Variants in FGF20 observed in about 807,000 individuals in gnomAD.
FGF20 encodes fibroblast growth factor 20.
Under a neutral mutation model 16.7 loss-of-function variants are expected in FGF20, and 8 were observed. The observed-to-expected ratio is 0.48, with a 90% CI of 0.28 to 0.87. The LOEUF (loss-of-function observed/expected upper bound fraction) is 0.87. Among genes scored for constraint, FGF20 ranks in the 40% least tolerant of loss-of-function variants. The probability of loss-of-function intolerance (pLI) is 0.10; values close to 1 mark genes in which losing one functional copy is unlikely to be tolerated. For missense variants in FGF20, 397 were observed against 281.4 expected (o/e 1.41, Z -2.94); for synonymous variants, 161 against 118.6 (o/e 1.36, Z -2.32).
chr8:16,992,912 T>A lies in FGF20; in HGVS notation c.*160A>T. 3 of 812,400 alleles carry A rather than the reference T, an allele frequency of 3.7e-6. No individual in the cohort carries two copies. Among genetic ancestry groups the A allele is most frequent in the Non-Finnish European group, 5.7e-6 (3 of 528,948 alleles). 50.3% of individuals were successfully genotyped at this position (812,400 alleles called of 1,614,324 possible). A position where few individuals can be genotyped will look rare whatever the true frequency, so the allele number is the denominator to read the frequency against. ...CATGATCTATTTCTAGTCAAAATTT[T>A]TTTTGGTTTTTTTTCTCAATATTCT... On this transcript the variant is annotated 3_prime_UTR_variant, in exon 3 of 3. Transcript: ENST00000180166.
At chr8:16,998,630 C>T (rs1015559320) in intron 1 of FGF20, among the ~76,000 whole-genome samples, 3 of 152,090 alleles carry the variant, frequency 2.0e-5, no homozygotes, top group Non-Finnish European at 4.4e-5. Flanking sequence ...ACCTTCAAAG[C>T]CAGTCTTTTT....
chr8:17,002,112 T>A lies in FGF20; in HGVS notation c.-80A>T, dbSNP rs1810204084. 2.9e-6 allele frequency: 4 copies of A among 1,402,978 alleles called. No homozygotes were observed. The highest frequency in any genetic ancestry group is 2.8e-6 in the Non-Finnish European group (3 of 1,073,922). 86.9% of individuals were successfully genotyped at this position (1,402,978 alleles called of 1,614,324 possible). ...TGGGATGGAGGTGGATAGAGAAAAA[T>A]TATAGCAAAACGAGCGCAAAAAGTT... On this transcript the variant is annotated 5_prime_UTR_variant, in exon 1 of 3. Coordinates refer to ENST00000180166, the MANE Select transcript of FGF20 (RefSeq NM_019851.3).
intron 2 of FGF20, among the ~76,000 whole-genome samples, chr8:16,993,945 A>G (rs1401216501): frequency 6.6e-6 from 1 of 152,088 alleles, no homozygotes. Flanking sequence ...GTAAATTCAG[A>G]TGAAGTTTCG....
Position 16,999,939 on chromosome 8 carries a change from G to A in FGF20, c.286+1808C>T, listed in dbSNP as rs532720778. Among the ~76,000 whole-genome samples, 4 of 152,218 alleles carry A rather than the reference G, an allele frequency of 2.6e-5. 1 individual carries two copies. Among genetic ancestry groups the A allele is most frequent in the African/African-American group, 9.6e-5 (4 of 41,522 alleles). ...TAACTTCTGCCTGCTCTCCCTATAA[G>A]TATTATCACATTTGTGTTTATTTCT... is the stretch of plus-strand genomic sequence containing the variant. On this transcript the variant is annotated intron_variant, in intron 1 of 2. Coordinates refer to ENST00000180166, the MANE Select transcript of FGF20 (RefSeq NM_019851.3).
At chr8:16,995,540 G>A (rs559799865) in intron 2 of FGF20, 115 bp downstream of exon 2, 74 of 456,568 alleles carry the variant, frequency 1.6e-4, no homozygotes, top group African/African-American at 4.8e-4. Flanking sequence ...CAATTTCTAC[G>A]TAAGTATGTT....
intron 1 of FGF20, among the ~76,000 whole-genome samples, chr8:16,999,739 C>T (rs569868423): frequency 1.4e-5 from 2 of 147,578 alleles, no homozygotes; most frequent in South Asian, 4.3e-4. Flanking sequence ...AGGGGTTTCA[C>T]TATCTTGGCC....
At chr8:17,000,444 A>C (rs1290549957) in intron 1 of FGF20, among the ~76,000 whole-genome samples, 1 of 149,294 alleles carries the variant, frequency 6.7e-6, no homozygotes, top group Non-Finnish European at 1.5e-5. Context: ...GGGAATAATT[A>C]TAAGAACAAG....
At chr8:16,996,859 A>G (rs560300884) in intron 1 of FGF20, among the ~76,000 whole-genome samples, 1 of 152,336 alleles carries the variant, frequency 6.6e-6, no homozygotes, top group East Asian at 1.9e-4. Flanking sequence ...TTAAACTTAC[A>G]TTCTTAGCCC....
intron 1 of FGF20, among the ~76,000 whole-genome samples, chr8:16,996,927 G>A (rs1424658524): frequency 2.6e-5 from 4 of 152,150 alleles, no homozygotes; most frequent in African/African-American, 9.7e-5. Context: ...GTAGTTTCAA[G>A]ACTTTTTGGA....
chr8:16,994,535 T>C (rs1180903203), intron 2 of FGF20, among the ~76,000 whole-genome samples: 1 of 152,008 alleles, frequency 6.6e-6, no homozygotes, highest in Non-Finnish European at 1.5e-5. Flanking sequence ...TTATTATACA[T>C]TGCATTGTCT....
rs779946155 is a variant in FGF20, at chr8:17,001,849, C to G, written c.184G>C (p.Gly62Arg). The change falls in exon 1 of 3, where the codon GGC (glycine) becomes CGC (arginine). Residue 62 changes from glycine (G) to arginine (R), a missense_variant. Physicochemically the swap from Gly to Arg is moderately radical, Grantham distance 125. Coordinates refer to ENST00000180166, the MANE Select transcript of FGF20 (RefSeq NM_019851.3). Reference protein sequence around the residue: ...PGAAQLAHLHGILRRRQLYCR... With the variant: ...PGAAQLAHLHRILRRRQLYCR... ...TAGAGCTGCCGGCGGCGCAGGATGC[C>G]GTGCAGGTGCGCCAGCTGCGCAGCC... 5.3e-6 allele frequency: 8 copies of G among 1,499,770 alleles called. No homozygotes were observed. Among genetic ancestry groups the G allele is most frequent in the East Asian group, 2.9e-5 (1 of 34,244 alleles). 92.9% of individuals were successfully genotyped at this position (1,499,770 alleles called of 1,614,324 possible).
chr8:16,995,564 C>T (rs1432176695), intron 2 of FGF20, 91 bp downstream of exon 2: 1 of 531,204 alleles, frequency 1.9e-6, no homozygotes, highest in Non-Finnish European at 3.1e-6. Context: ...TATACTTCTA[C>T]CAGACATTCT....
intron 1 of FGF20, 32 bp from the exon 2 acceptor site, chr8:16,995,790 T>C (rs201203579): frequency 3.2e-5 from 41 of 1,291,078 alleles, no homozygotes; most frequent in Non-Finnish European, 4.3e-5. Flanking sequence ...AAAAACACCA[T>C]GTTTTGTATT....
At chr8:16,996,324 G>C (rs909457956) in intron 1 of FGF20, among the ~76,000 whole-genome samples, 5 of 152,134 alleles carry the variant, frequency 3.3e-5, no homozygotes, top group African/African-American at 1.2e-4. Context: ...AATGTGAAAG[G>C]TGTGAAACCT....
intron 1 of FGF20, among the ~76,000 whole-genome samples, chr8:17,001,284 T>C (rs936660932): frequency 6.6e-6 from 1 of 152,152 alleles, no homozygotes; most frequent in African/African-American, 2.4e-5. Flanking sequence ...AGCCCGGCGC[T>C]TCCTGTTATT....
rs540311594 is a variant in FGF20 at position 17,002,314 on chromosome 8, G to A, written c.-282C>T. On this transcript the variant is annotated 5_prime_UTR_variant, in exon 1 of 3. Coordinates refer to ENST00000180166, the MANE Select transcript of FGF20 (RefSeq NM_019851.3). The stretch of plus-strand genomic sequence containing the variant: ...ACTAGGACTAGGGCTGTTGGCTGGG[G>A]CTCCAATTCCGCAAACTGATCAGAT... 4 of 368,942 alleles carry A rather than the reference G, an allele frequency of 1.1e-5. No homozygotes were observed. Among genetic ancestry groups the A allele is most frequent in the East Asian group, 5.1e-5 (1 of 19,576 alleles). The allele number at this position is 368,942 out of a possible 1,614,324, so 22.9% of individuals were successfully genotyped here.
In FGF20 at chr8:17,002,070, A is replaced by G. The variant is rs1402599675; in HGVS notation, c.-38T>C. On this transcript the variant is annotated 5_prime_UTR_variant, in exon 1 of 3. Transcript: ENST00000180166. ...CCGGAACACAAAAGACCCCCCCAGT[A>G]AAGAGTGTTGTGGGGGTGGGATGGA... 2.7e-6 allele frequency: 4 copies of G among 1,500,164 alleles called. No homozygotes were observed. The highest frequency in any genetic ancestry group is 3.5e-6 in the Non-Finnish European group (4 of 1,127,812). The allele number at this position is 1,500,164 out of a possible 1,614,324, so 92.9% of individuals were successfully genotyped here. A position where few individuals can be genotyped will look rare whatever the true frequency, so the allele number is the denominator to read the frequency against.
At chr8:16,993,550 C>A (rs1376663097) in intron 2 of FGF20, among the ~76,000 whole-genome samples, 2 of 96,766 alleles carry the variant, frequency 2.1e-5, no homozygotes, top group Non-Finnish European at 4.2e-5. Flanking sequence ...CACCACTGAC[C>A]AGTTTCATGG....
chr8:16,994,090 A>G (rs1392657626), intron 2 of FGF20, among the ~76,000 whole-genome samples: 1 of 151,944 alleles, frequency 6.6e-6, no homozygotes, highest in Non-Finnish European at 1.5e-5. Flanking sequence ...TCCCAATTTT[A>G]TTTTCAAATA....
Sources: allele counts gnomAD v4.1 joint callset (sites outside exome capture counted in the v4.1 genomes callset), GRCh38; gene constraint gnomAD v4.1.1; transcripts MANE v1.5; gene names NCBI Gene and HGNC (gene_info 2026-07-23, HGNC 2026-07-21).